Variants in SPPL3 observed in about 807,000 individuals in gnomAD.
SPPL3 encodes signal peptide peptidase like 3.
Under a neutral mutation model 42.4 loss-of-function variants are expected in SPPL3, and 5 were observed. The observed-to-expected ratio is 0.12, with a 90% CI of 0.06 to 0.25. The LOEUF (loss-of-function observed/expected upper bound fraction) is 0.25. Among genes scored for constraint, SPPL3 ranks in the 10% least tolerant of loss-of-function variants. The pLI is 1.00. For synonymous variants in SPPL3, 195 were observed against 181.8 expected, an observed-to-expected ratio of 1.07 and a Z score of -0.58; for missense variants, 235 against 489.0, an observed-to-expected ratio of 0.48 and a Z score of 4.90.
intron 1 of SPPL3, among the ~76,000 whole-genome samples, chr12:120,856,998 G>A (rs1323685603): frequency 6.6e-6 from 1 of 152,150 alleles, no homozygotes; most frequent in Non-Finnish European, 1.5e-5. Context: ...CTAACCATCT[G>A]AAGCTCTCTT....
chr12:120,801,094 T>G (rs1021064140), intron 2 of SPPL3, among the ~76,000 whole-genome samples: 2 of 152,232 alleles, frequency 1.3e-5, no homozygotes, highest in African/African-American at 4.8e-5. Flanking sequence ...TGGGGCAGAT[T>G]TGCATCTGTA....
intron 1 of SPPL3, among the ~76,000 whole-genome samples, chr12:120,892,984 G>GA (rs11373013): frequency 0.46 from 58,188 of 125,854 alleles, 15,171 homozygotes; most frequent in Middle Eastern, 0.62. Context: ...TCTGTCTCGG[G>GA]AAAAAAAAAA....
At position 120,764,692 on chromosome 12, in the gene SPPL3, C is replaced by G; in HGVS notation, c.*307G>C. On this transcript the variant is annotated 3_prime_UTR_variant, in exon 11 of 11. Coordinates refer to ENST00000353487, the MANE Select transcript of SPPL3 (RefSeq NM_139015.5). ...TTTCAGTTTTTAAACAGTCAAATCT[C>G]CATCTCCCCCAGAAGGTAACAGTCT... The G allele has an allele frequency of 2.5e-6, 1 of 398,918 alleles. No homozygotes were observed. Among genetic ancestry groups the G allele is most frequent in the Non-Finnish European group, 4.4e-6 (1 of 226,572 alleles). 24.7% of individuals were successfully genotyped at this position (398,918 alleles called of 1,614,324 possible).
At chr12:120,882,504 T>A (rs551330905) in intron 1 of SPPL3, among the ~76,000 whole-genome samples, 1 of 152,082 alleles carries the variant, frequency 6.6e-6, no homozygotes, top group Non-Finnish European at 1.5e-5. Flanking sequence ...TCTAGAAAGA[T>A]AGAAAGAAAA....
intron 1 of SPPL3, among the ~76,000 whole-genome samples, chr12:120,821,221 A>C (rs1871057409): frequency 6.6e-6 from 1 of 152,236 alleles, no homozygotes; most frequent in Admixed American, 6.5e-5. Flanking sequence ...GGATTGAAAC[A>C]GAAAGAAGAC....
At chr12:120,783,277 G>C (rs1869603521) in intron 5 of SPPL3, among the ~76,000 whole-genome samples, 1 of 152,092 alleles carries the variant, frequency 6.6e-6, no homozygotes, top group Admixed American at 6.6e-5. Context: ...GTGAACACTA[G>C]GATTAAACGC....
chr12:120,897,982 C>A (rs1042805253), intron 1 of SPPL3, among the ~76,000 whole-genome samples: 1 of 152,060 alleles, frequency 6.6e-6, no homozygotes, highest in African/African-American at 2.4e-5. Context: ...TACATCACCT[C>A]AATATAATAC....
chr12:120,827,108 G>C (rs751632606), intron 1 of SPPL3, among the ~76,000 whole-genome samples: 8 of 151,812 alleles, frequency 5.3e-5, no homozygotes, highest in Non-Finnish European at 1.0e-4. Context: ...ACAGTATTTT[G>C]AAAGTGTGGG....
At chr12:120,879,737 G>T (rs1873221866) in intron 1 of SPPL3, among the ~76,000 whole-genome samples, 1 of 151,856 alleles carries the variant, frequency 6.6e-6, no homozygotes, top group African/African-American at 2.4e-5. Flanking sequence ...ATAAAATCTT[G>T]GGTAAGTAAT....
chr12:120,804,979 G>A (rs775117142), intron 2 of SPPL3, among the ~76,000 whole-genome samples: 30 of 152,090 alleles, frequency 2.0e-4, no homozygotes, highest in Non-Finnish European at 2.1e-4. Flanking sequence ...GTAACAAAAG[G>A]TCACATACTG....
intron 6 of SPPL3, among the ~76,000 whole-genome samples, chr12:120,779,188 T>C (rs529403701): frequency 3.0e-4 from 46 of 152,330 alleles, no homozygotes; most frequent in African/African-American, 1.1e-3. Flanking sequence ...GATCAGTACT[T>C]AGAAACTGTT....
At chr12:120,887,988 GCAACTTTACTC>G (rs1477153621) in intron 1 of SPPL3, among the ~76,000 whole-genome samples, 1 of 152,180 alleles carries the variant, frequency 6.6e-6, no homozygotes, top group East Asian at 1.9e-4. Flanking sequence ...CTATGAGCCA[GCAACTTTACTC>G]CAAAGTATTC....
intron 6 of SPPL3, among the ~76,000 whole-genome samples, chr12:120,779,239 A>G (rs1869438363): frequency 6.6e-6 from 1 of 152,218 alleles, no homozygotes; most frequent in South Asian, 2.1e-4. Flanking sequence ...AGTGACAGTA[A>G]GCATCACTCT....
intron 1 of SPPL3, among the ~76,000 whole-genome samples, chr12:120,892,368 T>C (rs987767918): frequency 1.3e-5 from 2 of 152,050 alleles, no homozygotes; most frequent in Admixed American, 6.6e-5. Context: ...TAAAGAGCTG[T>C]AGACATCAGA....
chr12:120,832,993 A>T (rs889600436), intron 1 of SPPL3, among the ~76,000 whole-genome samples: 25 of 152,222 alleles, frequency 1.6e-4, no homozygotes, highest in African/African-American at 5.8e-4. Context: ...AAGTAATAAG[A>T]TGTGCATAAA....
intron 1 of SPPL3, among the ~76,000 whole-genome samples, chr12:120,820,828 C>A (rs1275558638): frequency 6.6e-6 from 1 of 152,084 alleles, no homozygotes; most frequent in Non-Finnish European, 1.5e-5. Flanking sequence ...CGCAGTGGCT[C>A]ACGCCTGTAA....
intron 6 of SPPL3, among the ~76,000 whole-genome samples, chr12:120,772,391 C>T (rs1471457521): frequency 1.3e-5 from 2 of 152,144 alleles, no homozygotes; most frequent in African/African-American, 4.8e-5. Flanking sequence ...CATTCTATGA[C>T]CTTGTGAATA....
At chr12:120,902,980 G>C (rs1014599389) in intron 1 of SPPL3, among the ~76,000 whole-genome samples, 1 of 152,084 alleles carries the variant, frequency 6.6e-6, no homozygotes, top group African/African-American at 2.4e-5. Flanking sequence ...CTCCGGATAT[G>C]TAGGTTGTCA....
At chr12:120,783,299 A>G (rs755376456) in intron 5 of SPPL3, among the ~76,000 whole-genome samples, 1 of 152,208 alleles carries the variant, frequency 6.6e-6, no homozygotes, top group Admixed American at 6.5e-5. Flanking sequence ...AGTAGGTAGC[A>G]TATCTAGGCC....
Sources: gnomAD v4.1 joint callset for allele counts (sites outside exome capture counted in the v4.1 genomes callset) on GRCh38, gnomAD v4.1.1 for gene constraint, MANE v1.5 for transcripts, NCBI Gene and HGNC (gene_info 2026-07-23, HGNC 2026-07-21) for gene names.